DNAH3: variants seen among roughly 807,000 people sequenced by gnomAD.
DNAH3 encodes the protein axonemal beta dynein heavy chain 3.
In DNAH3, 332 loss-of-function variants were observed where a neutral mutation model predicts 432.5. The observed-to-expected ratio is 0.77, with a 90% CI of 0.70 to 0.84. The LOEUF is 0.84. DNAH3 is among the 40% of genes least tolerant of loss of function. DNAH3 has a pLI of 0.00. For missense variants in DNAH3, 4,861 were observed against 5,114.0 expected (o/e 0.95, Z 1.51); for synonymous variants, 1,956 against 1,900.2 (o/e 1.03, Z -0.76).
At chr16:20,944,733 A>G in intron 57 of DNAH3, 70 bp from the exon 58 acceptor site, 1 of 1,476,152 alleles carries the variant, frequency 6.8e-7, no homozygotes, top group South Asian at 1.2e-5. Flanking sequence ...CAGGCTTAGC[A>G]GAACCCAATC....
intron 20 of DNAH3, 29 bp from the exon 21 acceptor site, chr16:21,075,590 T>G (rs1386476315): frequency 2.6e-6 from 4 of 1,531,748 alleles, no homozygotes; most frequent in Non-Finnish European, 2.7e-6. Context: ...AACAGCAACA[T>G]CAACAGGAGG....
At chr16:21,090,711 TA>T (rs2091507044) in intron 18 of DNAH3, among the ~76,000 whole-genome samples, 1 of 151,534 alleles carries the variant, frequency 6.6e-6, no homozygotes, top group Non-Finnish European at 1.5e-5. Flanking sequence ...AAACAGAGAG[TA>T]GAAAGGCAGT....
chr16:20,940,854 G>A (rs895814179), intron 59 of DNAH3, among the ~76,000 whole-genome samples: 3 of 152,132 alleles, frequency 2.0e-5, no homozygotes, highest in Non-Finnish European at 2.9e-5. Context: ...ACCACTTTAC[G>A]AGGCCAAGGC....
chr16:21,057,605 G>A (rs1282261806), intron 27 of DNAH3, among the ~76,000 whole-genome samples: 1 of 152,178 alleles, frequency 6.6e-6, no homozygotes, highest in Non-Finnish European at 1.5e-5. Context: ...ATTTGGCTGG[G>A]AATATGTGTA....
In DNAH3 at chr16:21,033,099, C is replaced by T. The variant is rs999643145; in HGVS notation, c.5197+875G>A. Among the ~76,000 whole-genome samples the T allele has an allele frequency of 3.9e-4, 60 of 152,152 alleles. 1 individual carries two copies. The highest frequency in any genetic ancestry group is 1.7e-3 in the East Asian group (9 of 5,174). On this transcript the variant is annotated intron_variant, in intron 36 of 61. Transcript: ENST00000261383. ...CGCCCGCCTTGGCCCCTCAAAATGC[C>T]GGGATTATGGGTGTGAGCCCCTGTT...
intron 39 of DNAH3, 114 bp downstream of exon 39, chr16:21,024,482 T>G: frequency 2.9e-6 from 2 of 693,952 alleles, no homozygotes; most frequent in Non-Finnish European, 4.7e-6. Flanking sequence ...ACAAGGGAAT[T>G]CCCTGCCCCT....
rs201916932 is a variant in DNAH3 at position 21,060,302 on chromosome 16, G to A, written c.3775C>T (p.Arg1259Ter). 9.3e-5 allele frequency: 150 copies of A among 1,613,866 alleles called. No homozygotes were observed. Among genetic ancestry groups the A allele is most frequent in the Admixed American group, 1.7e-4 (10 of 60,000 alleles). ...TCAATCCCAAGTCCAATGACTTCTCGCATACTGGCCAGCATCATCTGCTCC... is the reference window on the plus strand; with the variant it reads ...TCAATCCCAAGTCCAATGACTTCTCACATACTGGCCAGCATCATCTGCTCC... Residue 1259 changes from arginine to a stop codon, truncating the protein, a stop_gained, in exon 26 of 62, where the codon CGA (arginine) becomes TGA (stop). Coordinates refer to ENST00000261383, the Ensembl canonical transcript of DNAH3. LOFTEE classifies it high-confidence loss of function.
At chr16:21,158,640 T>G in intron 1 of DNAH3, 1 of 152,600 alleles carries the variant, frequency 6.6e-6, no homozygotes, top group African/African-American at 2.4e-5. Context: ...GGCAGGCGGC[T>G]CTGGCTCCCT....
intron 1 of DNAH3, among the ~76,000 whole-genome samples, chr16:21,152,216 G>A (rs560433291): frequency 1.3e-5 from 2 of 151,912 alleles, no homozygotes; most frequent in Non-Finnish European, 2.9e-5. Context: ...TGGGCAACAA[G>A]AGCGAAACTC....
At chr16:21,060,694 A>G (rs529496226) in intron 25 of DNAH3, among the ~76,000 whole-genome samples, 32 of 149,062 alleles carry the variant, frequency 2.1e-4, no homozygotes, top group Admixed American at 3.3e-4. Flanking sequence ...CGGCTGATGA[A>G]TTTTGTATTT....
At chr16:21,054,726 C>A (rs1465505209) in intron 27 of DNAH3, among the ~76,000 whole-genome samples, 192 bp from the exon 28 acceptor site, 1 of 152,088 alleles carries the variant, frequency 6.6e-6, no homozygotes, top group Non-Finnish European at 1.5e-5. Flanking sequence ...CTGAAAGAGG[C>A]AAGATTTGGA....
At chr16:21,121,489 A>G (rs1287876057) in intron 10 of DNAH3, among the ~76,000 whole-genome samples, 1 of 152,154 alleles carries the variant, frequency 6.6e-6, no homozygotes, top group Non-Finnish European at 1.5e-5. Flanking sequence ...CAATTGATTC[A>G]TGATGGATTA....
At chr16:21,045,702 C>A (rs912458064) in intron 31 of DNAH3, among the ~76,000 whole-genome samples, 143 of 151,084 alleles carry the variant, frequency 9.5e-4, no homozygotes, top group African/African-American at 3.4e-3. Flanking sequence ...TTAGTTATTT[C>A]TTGCCTTCTG....
At chr16:20,980,154 A>G (rs1008700472) in intron 49 of DNAH3, among the ~76,000 whole-genome samples, 6 of 120,730 alleles carry the variant, frequency 5.0e-5, no homozygotes, top group Middle Eastern at 4.2e-3. Context: ...ATATTCCCTG[A>G]CTTTGTAGAA....
chr16:20,996,306 T>A (rs551771545), intron 44 of DNAH3, among the ~76,000 whole-genome samples: 65 of 152,054 alleles, frequency 4.3e-4, no homozygotes, highest in African/African-American at 1.5e-3. Flanking sequence ...TTTCTCTACA[T>A]TAAATTATAT....
In DNAH3 at chr16:21,087,062, T is replaced by TGAAATAGAAGAGTGAGG; in HGVS notation, c.2666-19_2666-3dup. On this transcript the variant is annotated splice_polypyrimidine_tract_variant and splice_region_variant and intron_variant, in intron 18 of 61. Transcript: ENST00000261383. ...CAGCATTCAGTAAGAAGAGGGGTCC[T>TGAAATAGAAGAGTGAGG]GAAATAGAAGAGTGAGGGAAAGGTC... 1 of 1,612,424 alleles carries TGAAATAGAAGAGTGAGG rather than the reference T, an allele frequency of 6.2e-7. No individual in the cohort carries two copies. The highest frequency in any genetic ancestry group is 1.3e-5 in the African/African-American group (1 of 75,006).
chr16:20,937,139 T>C (rs918515430), intron 59 of DNAH3, among the ~76,000 whole-genome samples: 71 of 152,186 alleles, frequency 4.7e-4, no homozygotes, highest in African/African-American at 1.6e-3. Context: ...TCCAATTCAA[T>C]AGAGACCTAA....
At chr16:20,979,544 A>G in exon 50 of DNAH3, 1 of 1,613,898 alleles carries the variant, frequency 6.2e-7, no homozygotes, top group South Asian at 1.1e-5. Flanking sequence ...CATGGACACG[A>G]CCCTGCCGAG....
chr16:21,145,378 G>A (rs1171532120), exon 3 of DNAH3: 1 of 1,614,178 alleles, frequency 6.2e-7, no homozygotes. Flanking sequence ...TTGCATCAAG[G>A]GCGGGTAAAA....
Sources: gnomAD v4.1 joint callset for allele counts (sites outside exome capture counted in the v4.1 genomes callset) on GRCh38, gnomAD v4.1.1 for gene constraint, MANE v1.5 for transcripts, NCBI Gene and HGNC (gene_info 2026-07-23, HGNC 2026-07-21) for gene names.